Variants in CORO2A observed in about 807,000 individuals in gnomAD.
CORO2A encodes the protein coronin-2A.
A neutral mutation model predicts 62.4 loss-of-function variants in CORO2A; 47 were observed. That is an observed-to-expected ratio of 0.75 (90% CI 0.60 to 0.96). The LOEUF (loss-of-function observed/expected upper bound fraction) is 0.96. Ranked by LOEUF, CORO2A falls within the 40% of genes least tolerant of loss-of-function variation. The pLI is 0.00. For synonymous variants in CORO2A, 273 were observed against 268.9 expected, an observed-to-expected ratio of 1.02 and a Z score of -0.15; for missense variants, 610 against 684.1, an observed-to-expected ratio of 0.89 and a Z score of 1.21.
At chr9:98,125,041 T>G in intron 11 of CORO2A, 136 bp from the exon 12 acceptor site, 2 of 844,664 alleles carry the variant, frequency 2.4e-6, no homozygotes, top group Non-Finnish European at 3.6e-6. Flanking sequence ...GGGCTGTCAC[T>G]GCATAGATCT....
At chr9:98,173,632 G>A (rs988070571) in intron 1 of CORO2A, among the ~76,000 whole-genome samples, 5 of 152,154 alleles carry the variant, frequency 3.3e-5, no homozygotes, top group Non-Finnish European at 7.3e-5. Context: ...TTCTCATGGT[G>A]CTCCACAGCC....
rs754376905 is a variant in CORO2A at position 98,173,142 on chromosome 9, AAAAC to A, written c.1-15486_1-15483del. Reference sequence around the variant, plus strand: ...CAACACAGTGATTCTGTCTCTACAAAAAACAAACAAACAAACAAACTCCGATTGT... The same window carrying A: ...CAACACAGTGATTCTGTCTCTACAAAAAACAAACAAACAAACTCCGATTGT... On this transcript the variant is annotated intron_variant, in intron 1 of 11. Coordinates refer to ENST00000375077, the MANE Select transcript of CORO2A (RefSeq NM_052820.4). 4.2e-4 allele frequency among the ~76,000 whole-genome samples: 64 copies of A among 152,304 alleles called. No homozygotes were observed. The East Asian group carries it at 6.9e-3, about 17-fold the overall frequency.
At position 98,157,451 on chromosome 9, in the gene CORO2A, T is replaced by C. The variant is rs1318051226; in HGVS notation, c.201+9A>G. 5.6e-6 allele frequency: 9 copies of C among 1,613,796 alleles called. No homozygotes were observed. Among genetic ancestry groups the C allele is most frequent in the East Asian group, 4.5e-5 (2 of 44,886 alleles). On this transcript the variant is annotated intron_variant, in intron 2 of 11. Coordinates refer to ENST00000375077, the MANE Select transcript of CORO2A (RefSeq NM_052820.4). ...CCAGAGAGCTGTTTGGGCCTGGGGG[T>C]GTCCTTACCTGGTGCAGGGGGATGA...
chr9:98,162,176 A>G (rs1016497744), intron 1 of CORO2A, among the ~76,000 whole-genome samples: 12 of 152,194 alleles, frequency 7.9e-5, no homozygotes, highest in Non-Finnish European at 1.6e-4. Flanking sequence ...TGGGGGCTGC[A>G]CTCAGCTGTC....
At chr9:98,148,630 G>T (rs1174622836) in intron 2 of CORO2A, among the ~76,000 whole-genome samples, 1 of 151,726 alleles carries the variant, frequency 6.6e-6, no homozygotes, top group Non-Finnish European at 1.5e-5. Context: ...TGTAGTCCCA[G>T]CTATTCAGGA....
chr9:98,125,976 C>T (rs1197538881), intron 11 of CORO2A, among the ~76,000 whole-genome samples: 4 of 151,072 alleles, frequency 2.6e-5, no homozygotes, highest in African/African-American at 7.3e-5. Flanking sequence ...CCTTGGCCTA[C>T]CAAAGTGCTG....
intron 1 of CORO2A, among the ~76,000 whole-genome samples, chr9:98,179,865 C>T (rs151137156): frequency 0.015 from 2,230 of 151,940 alleles, 44 homozygotes; most frequent in South Asian, 0.061. Context: ...TAGCCAGGTG[C>T]GGTGGCAGGT....
chr9:98,174,451 C>T (rs1407790723), intron 1 of CORO2A, among the ~76,000 whole-genome samples: 1 of 152,154 alleles, frequency 6.6e-6, no homozygotes, highest in Non-Finnish European at 1.5e-5. Context: ...TAAACAAAAA[C>T]ATTAAATAAT....
intron 1 of CORO2A, among the ~76,000 whole-genome samples, chr9:98,184,604 G>T (rs923027693): frequency 6.6e-6 from 1 of 152,066 alleles, no homozygotes; most frequent in Non-Finnish European, 1.5e-5. Flanking sequence ...CAGGTCCCAG[G>T]CCTCTACAGG....
At chr9:98,164,040 T>C (rs1437381646) in intron 1 of CORO2A, among the ~76,000 whole-genome samples, 1 of 152,190 alleles carries the variant, frequency 6.6e-6, no homozygotes, top group African/African-American at 2.4e-5. Flanking sequence ...GTTTCACATA[T>C]AATATTTGAA....
chr9:98,191,681 G>C (rs1221460316), intron 1 of CORO2A, among the ~76,000 whole-genome samples: 1 of 152,168 alleles, frequency 6.6e-6, no homozygotes, highest in East Asian at 1.9e-4. Flanking sequence ...CTTTACCTAG[G>C]GAGCCTGGGA....
At chr9:98,191,546 C>T (rs2118952840) in intron 1 of CORO2A, among the ~76,000 whole-genome samples, 1 of 152,300 alleles carries the variant, frequency 6.6e-6, no homozygotes, top group Middle Eastern at 3.4e-3. Context: ...GAGGCAGTGA[C>T]TGGGTAGCAG....
intron 1 of CORO2A, among the ~76,000 whole-genome samples, chr9:98,176,271 C>T (rs1828107845): frequency 6.6e-6 from 1 of 152,142 alleles, no homozygotes; most frequent in South Asian, 2.1e-4. Context: ...TTTAGCCAGA[C>T]CCACTAATTC....
Position 98,158,070 on chromosome 9 carries a change from A to G in CORO2A, c.1-410T>C, listed in dbSNP as rs1308784591. Among the ~76,000 whole-genome samples the G allele has an allele frequency of 2.0e-5, 3 of 152,208 alleles. No individual in the cohort carries two copies. The South Asian group carries it at 6.2e-4, about 31-fold the overall frequency. On this transcript the variant is annotated intron_variant, in intron 1 of 11. Coordinates refer to ENST00000375077, the MANE Select transcript of CORO2A (RefSeq NM_052820.4). ...GCCAGCCTGCCTGGGTTTCAATCCC[A>G]GCTCTGTCTCTTATCAGCTGGATGG...
chr9:98,146,756 T>C (rs1442922286), intron 2 of CORO2A, among the ~76,000 whole-genome samples: 1 of 152,194 alleles, frequency 6.6e-6, no homozygotes, highest in Non-Finnish European at 1.5e-5. Context: ...CTGGACACAC[T>C]GCACAGGGTC....
At chr9:98,129,754 G>T in intron 8 of CORO2A, 40 bp downstream of exon 8, 1 of 1,503,774 alleles carries the variant, frequency 6.6e-7, no homozygotes, top group Non-Finnish European at 9.3e-7. Context: ...CTCCCGAAGT[G>T]CTGGGATTAC....
At chr9:98,154,329 G>GTGTATATATATATATATATATATA (rs1439685527) in intron 2 of CORO2A, among the ~76,000 whole-genome samples, 82 of 88,890 alleles carry the variant, frequency 9.2e-4, no homozygotes, top group African/African-American at 2.2e-3. Context: ...GTGTTTGTGT[G>GTGTATATATATATATATATATATA]TATATATATA....
chr9:98,175,724 G>A (rs1296671462), intron 1 of CORO2A, among the ~76,000 whole-genome samples: 1 of 152,158 alleles, frequency 6.6e-6, no homozygotes, highest in Admixed American at 6.5e-5. Context: ...CCTGCCTGCC[G>A]GGCTCAGACA....
At chr9:98,138,849 C>T (rs920226069) in intron 2 of CORO2A, among the ~76,000 whole-genome samples, 3 of 151,840 alleles carry the variant, frequency 2.0e-5, no homozygotes, top group Non-Finnish European at 4.4e-5. Flanking sequence ...GAGATCGAGA[C>T]CATCCTGGCC....
Sources: allele counts gnomAD v4.1 joint callset (sites outside exome capture counted in the v4.1 genomes callset), GRCh38; gene constraint gnomAD v4.1.1; transcripts MANE v1.5; gene names NCBI Gene and HGNC (gene_info 2026-07-23, HGNC 2026-07-21).